Variants in NIBAN1 observed in about 807,000 individuals in gnomAD.
NIBAN1 encodes the protein protein Niban 1.
Under a neutral mutation model 75.1 loss-of-function variants are expected in NIBAN1, and 81 were observed. The observed-to-expected ratio is 1.08, with a 90% CI of 0.90 to 1.30. The LOEUF is 1.30. NIBAN1 is among the 50% of genes most tolerant of loss of function. The pLI is 0.00. For missense variants in NIBAN1, 1,133 were observed against 1,128.1 expected (o/e 1.00, Z -0.06); for synonymous variants, 436 against 424.8 (o/e 1.03, Z -0.32).
At chr1:184,816,019 C>A (rs893360189) in intron 9 of NIBAN1, among the ~76,000 whole-genome samples, 1 of 152,208 alleles carries the variant, frequency 6.6e-6, no homozygotes, top group Non-Finnish European at 1.5e-5. Context: ...AGTACCTATG[C>A]AGCTGCTGAC....
intron 1 of NIBAN1, among the ~76,000 whole-genome samples, chr1:184,955,863 T>C (rs562520701): frequency 6.6e-6 from 1 of 152,066 alleles, no homozygotes; most frequent in South Asian, 2.1e-4. Flanking sequence ...TGGGCAGAAA[T>C]AATGTATGCC....
Position 184,868,873 on chromosome 1 carries a change from T to C in NIBAN1, c.601+15760A>G, listed in dbSNP as rs1173789760. ...CCTGCTTGGCTTTAAAATCTTGTCC[T>C]GATCACCAGCTGTCTTACCAGCTGC... On this transcript the variant is annotated intron_variant, in intron 5 of 13. Coordinates refer to ENST00000367511, the MANE Select transcript of NIBAN1 (RefSeq NM_052966.4). Among the ~76,000 whole-genome samples the C allele has an allele frequency of 2.0e-5, 3 of 152,192 alleles. No homozygotes were observed. The East Asian group carries it at 5.8e-4, about 29-fold the overall frequency.
At chr1:184,863,443 T>G (rs1237094387) in intron 5 of NIBAN1, among the ~76,000 whole-genome samples, 10 of 152,182 alleles carry the variant, frequency 6.6e-5, no homozygotes, top group Admixed American at 4.6e-4. Flanking sequence ...GAGTTCAAAT[T>G]AGTTTTTTTT....
intron 10 of NIBAN1, 103 bp downstream of exon 10, chr1:184,807,971 C>A: frequency 7.5e-7 from 1 of 1,341,512 alleles, no homozygotes; most frequent in South Asian, 1.2e-5. Context: ...AGAGACGCGA[C>A]GTATTTCCCT....
chr1:184,946,943 C>T (rs1291769516), intron 1 of NIBAN1, among the ~76,000 whole-genome samples: 1 of 152,016 alleles, frequency 6.6e-6, no homozygotes, highest in Non-Finnish European at 1.5e-5. Flanking sequence ...CGTGGTGGTG[C>T]ATGCCTATAA....
At chr1:184,818,617 C>G in intron 9 of NIBAN1, 21 bp downstream of exon 9, 1 of 1,552,764 alleles carries the variant, frequency 6.4e-7, no homozygotes, top group Non-Finnish European at 8.8e-7. Flanking sequence ...TCACACCCAG[C>G]TCCTCAGCTT....
Position 184,890,122 on chromosome 1 carries a change from A to C in NIBAN1, c.419T>G (p.Phe140Cys), listed in dbSNP as rs900812787. The C allele has an allele frequency of 1.2e-6, 2 of 1,613,478 alleles. No individual in the cohort carries two copies. The highest frequency in any genetic ancestry group is 1.7e-5 in the Admixed American group (1 of 60,000). Residue 140 changes from phenylalanine to cysteine, a missense_variant, in exon 4 of 14, where the codon TTC becomes TGC. By Grantham distance (205) the Phe-to-Cys change is radical (BLOSUM62 -2). Transcript: ENST00000367511. The stretch of plus-strand genomic sequence containing the variant: ...CAGCAACTCACCAAGAGGGTCTGGG[A>C]AATGCCTGTCAGACAACAGATTATA... The part of the protein sequence containing the change: ...DEYNLLSDRH[F>C]PDPLASSEKE...
At chr1:184,826,777 AT>A (rs1228843173) in intron 6 of NIBAN1, among the ~76,000 whole-genome samples, 1 of 152,140 alleles carries the variant, frequency 6.6e-6, no homozygotes, top group Non-Finnish European at 1.5e-5. Flanking sequence ...GTTCCAAGAA[AT>A]TTGGCTCTAT....
At chr1:184,907,243 A>C (rs1657129762) in intron 1 of NIBAN1, among the ~76,000 whole-genome samples, 1 of 151,980 alleles carries the variant, frequency 6.6e-6, no homozygotes, top group Admixed American at 6.6e-5. Flanking sequence ...CACGACTTTC[A>C]GATATTGCAT....
chr1:184,891,921 G>A (rs950294677), intron 3 of NIBAN1, among the ~76,000 whole-genome samples: 9 of 152,266 alleles, frequency 5.9e-5, no homozygotes, highest in African/African-American at 2.2e-4. Context: ...AAAACACTTG[G>A]TTATTACCAA....
intron 5 of NIBAN1, among the ~76,000 whole-genome samples, chr1:184,879,711 T>C (rs537730000): frequency 9.2e-5 from 14 of 152,310 alleles, no homozygotes; most frequent in African/African-American, 3.4e-4. Context: ...AACTTGCAAG[T>C]ATCAAAATCA....
intron 6 of NIBAN1, among the ~76,000 whole-genome samples, chr1:184,825,315 A>T (rs1404241084): frequency 1.3e-5 from 2 of 152,206 alleles, no homozygotes; most frequent in Non-Finnish European, 2.9e-5. Context: ...TGGTTCATTG[A>T]AGAAGAGAGT....
chr1:184,823,507 G>T, intron 7 of NIBAN1, 131 bp downstream of exon 7: 2 of 1,235,680 alleles, frequency 1.6e-6, no homozygotes, highest in Non-Finnish European at 2.3e-6. Context: ...GTGAGACTCA[G>T]CAGGTTCGAA....
At chr1:184,920,263 T>G (rs891988148) in intron 1 of NIBAN1, among the ~76,000 whole-genome samples, 1 of 152,202 alleles carries the variant, frequency 6.6e-6, no homozygotes, top group African/African-American at 2.4e-5. Context: ...GACATAATAA[T>G]TGACACAATG....
intron 5 of NIBAN1, among the ~76,000 whole-genome samples, chr1:184,836,100 GA>G (rs1366513264): frequency 6.6e-6 from 1 of 152,042 alleles, no homozygotes; most frequent in Non-Finnish European, 1.5e-5. Flanking sequence ...TTAGAGGTTT[GA>G]AAAACAAAAA....
intron 5 of NIBAN1, among the ~76,000 whole-genome samples, chr1:184,832,256 C>T (rs1655020040): frequency 6.6e-6 from 1 of 152,168 alleles, no homozygotes; most frequent in Admixed American, 6.5e-5. Flanking sequence ...CCTATCCACC[C>T]ACAGGCACCC....
intron 5 of NIBAN1, chr1:184,867,919 C>T (rs547248791): frequency 2.8e-5 from 28 of 985,372 alleles, no homozygotes; most frequent in South Asian, 2.3e-4. Context: ...TAAAGTGTCC[C>T]GTGTCACACA....
At chr1:184,843,411 T>C (rs975371299) in intron 5 of NIBAN1, among the ~76,000 whole-genome samples, 1 of 152,140 alleles carries the variant, frequency 6.6e-6, no homozygotes, top group Non-Finnish European at 1.5e-5. Context: ...CAGTCTTTTC[T>C]AAAAAGTATG....
chr1:184,825,252 C>T (rs10797989), intron 6 of NIBAN1, among the ~76,000 whole-genome samples: 1 of 152,070 alleles, frequency 6.6e-6, no homozygotes, highest in African/African-American at 2.4e-5. Context: ...TCACTGCAAT[C>T]GAGAGTCTAA....
Sources: gnomAD v4.1 joint callset for allele counts (sites outside exome capture counted in the v4.1 genomes callset) on GRCh38, gnomAD v4.1.1 for gene constraint, MANE v1.5 for transcripts, NCBI Gene and HGNC (gene_info 2026-07-23, HGNC 2026-07-21) for gene names.